CACNA2D1: variants seen among roughly 807,000 people sequenced by gnomAD.
The protein encoded by CACNA2D1 is calcium voltage-gated channel auxiliary subunit alpha2delta 1.
A neutral mutation model predicts 171.5 loss-of-function variants in CACNA2D1; 53 were observed. The observed-to-expected ratio is 0.31, with a 90% CI of 0.25 to 0.39. The LOEUF is 0.39. Among genes scored for constraint, CACNA2D1 ranks in the 10% least tolerant of loss-of-function variants. CACNA2D1 has a pLI of 1.00. For synonymous variants in CACNA2D1, 442 were observed against 443.1 expected, an observed-to-expected ratio of 1.00 and a Z score of 0.03; for missense variants, 903 against 1,299.8, an observed-to-expected ratio of 0.69 and a Z score of 4.69.
At chr7:82,120,113 T>C (rs1789539891) in intron 5 of CACNA2D1, among the ~76,000 whole-genome samples, 1 of 152,128 alleles carries the variant, frequency 6.6e-6, no homozygotes, top group Non-Finnish European at 1.5e-5. Flanking sequence ...GCCCAGGAGT[T>C]TGAGGCTGCA....
intron 3 of CACNA2D1, among the ~76,000 whole-genome samples, chr7:82,230,588 TGAA>T: frequency 6.6e-6 from 1 of 152,320 alleles, no homozygotes; most frequent in East Asian, 1.9e-4. Context: ...CAACTAAAAC[TGAA>T]GAAGGAATTT....
chr7:82,438,001 G>T (rs1323835936), intron 1 of CACNA2D1, among the ~76,000 whole-genome samples: 10 of 152,068 alleles, frequency 6.6e-5, no homozygotes, highest in Non-Finnish European at 8.8e-5. Flanking sequence ...ATTTCAAATG[G>T]TATAGTTTCT....
intron 11 of CACNA2D1, 135 bp downstream of exon 11, chr7:82,037,942 C>T (rs1406278756): frequency 1.7e-5 from 14 of 811,198 alleles, no homozygotes; most frequent in Non-Finnish European, 2.9e-5. Context: ...GTTTCTTCTG[C>T]CTGCACACAT....
chr7:82,373,993 A>AAT (rs2129448556), intron 1 of CACNA2D1, among the ~76,000 whole-genome samples: 1 of 152,336 alleles, frequency 6.6e-6, no homozygotes, highest in South Asian at 2.1e-4. Flanking sequence ...TATTTAACAA[A>AAT]AGTTGTGTCA....
chr7:82,040,125 T>C (rs73705448), intron 10 of CACNA2D1, among the ~76,000 whole-genome samples: 1,575 of 152,274 alleles, frequency 0.01, 25 homozygotes, highest in African/African-American at 0.036. Context: ...CATAGTGGTT[T>C]TGTTATTTGT....
rs3086908 is a variant in CACNA2D1, at chr7:82,109,226, CT to C, written c.526+7817del. On this transcript the variant is annotated intron_variant, in intron 6 of 38. Transcript: ENST00000356860. ...ATGTACTTTCCAGAATTAAAGAACC[CT>C]TTTTTTTGCAAATTATCTGGTTTTA... 7.3e-5 allele frequency among the ~76,000 whole-genome samples: 11 copies of C among 151,426 alleles called. No individual in the cohort carries two copies. The East Asian group carries it at 1.2e-3, about 16-fold the overall frequency.
chr7:82,151,569 A>C (rs528007905), intron 4 of CACNA2D1, among the ~76,000 whole-genome samples: 17 of 152,256 alleles, frequency 1.1e-4, no homozygotes, highest in African/African-American at 3.8e-4. Flanking sequence ...TTTTTAAATA[A>C]GAAATTGAGG....
intron 12 of CACNA2D1, among the ~76,000 whole-genome samples, chr7:82,032,595 T>A (rs973889268): frequency 2.0e-5 from 3 of 151,778 alleles, no homozygotes; most frequent in African/African-American, 7.2e-5. Context: ...TAGGCATGAG[T>A]TGCTTGTGAA....
chr7:82,356,971 G>A (rs1479978406), intron 1 of CACNA2D1, among the ~76,000 whole-genome samples: 2 of 152,024 alleles, frequency 1.3e-5, no homozygotes, highest in Non-Finnish European at 2.9e-5. Context: ...AATGTTTGGT[G>A]TCTACAAATT....
intron 3 of CACNA2D1, among the ~76,000 whole-genome samples, chr7:82,210,183 C>A (rs1006707243): frequency 6.6e-6 from 1 of 151,952 alleles, no homozygotes; most frequent in Non-Finnish European, 1.5e-5. Context: ...ATAATAAGTT[C>A]ATTGTTTTAT....
At chr7:82,412,238 T>C (rs1018555273) in intron 1 of CACNA2D1, among the ~76,000 whole-genome samples, 2 of 152,038 alleles carry the variant, frequency 1.3e-5, no homozygotes, top group African/African-American at 4.8e-5. Flanking sequence ...AGGGCTTCAC[T>C]TACATATTTG....
chr7:82,389,000 C>T (rs1338020720), intron 1 of CACNA2D1, among the ~76,000 whole-genome samples: 1 of 151,754 alleles, frequency 6.6e-6, no homozygotes, highest in African/African-American at 2.4e-5. Context: ...CCTGTAATCC[C>T]AGCTACTCGG....
chr7:82,347,607 G>A lies in CACNA2D1; in HGVS notation c.177+1961C>T, dbSNP rs116966280. On this transcript the variant is annotated intron_variant, in intron 2 of 38. Coordinates refer to ENST00000356860, the MANE Select transcript of CACNA2D1 (RefSeq NM_000722.4). ...TCTGACATCCTTCAGCAAAAGGAAT[G>A]AGGCAATACGGAATCATCTGTCTGT... 2.5e-3 allele frequency among the ~76,000 whole-genome samples: 376 copies of A among 152,224 alleles called. 12 individuals are homozygous for A. The East Asian group carries it at 0.069, about 28-fold the overall frequency.
At chr7:82,175,797 C>G (rs2129159020) in intron 3 of CACNA2D1, among the ~76,000 whole-genome samples, 1 of 152,062 alleles carries the variant, frequency 6.6e-6, no homozygotes, top group South Asian at 2.1e-4. Flanking sequence ...ACTTGGCATT[C>G]TACATATCTA....
intron 3 of CACNA2D1, among the ~76,000 whole-genome samples, chr7:82,192,034 T>TA (rs975329786): frequency 5.3e-5 from 8 of 151,648 alleles, no homozygotes; most frequent in Non-Finnish European, 7.4e-5. Context: ...TTCATGCATC[T>TA]AAAAAAATGT....
intron 10 of CACNA2D1, among the ~76,000 whole-genome samples, chr7:82,053,040 CAA>C (rs781630224): frequency 4.1e-4 from 62 of 151,942 alleles, no homozygotes; most frequent in Non-Finnish European, 8.2e-4. Context: ...ATCACAAGGT[CAA>C]GAGATTGAGA....
chr7:82,046,115 G>C (rs7786839), intron 10 of CACNA2D1, among the ~76,000 whole-genome samples: 1 of 151,956 alleles, frequency 6.6e-6, no homozygotes, highest in Non-Finnish European at 1.5e-5. Flanking sequence ...TTCATTCCAG[G>C]AAAAATTATT....
chr7:82,225,151 T>C (rs1319936993), intron 3 of CACNA2D1, among the ~76,000 whole-genome samples: 1 of 152,124 alleles, frequency 6.6e-6, no homozygotes, highest in Non-Finnish European at 1.5e-5. Context: ...CAATAAGAAT[T>C]ATGAACAGAA....
At chr7:82,213,880 T>C (rs1333304620) in intron 3 of CACNA2D1, among the ~76,000 whole-genome samples, 12 of 152,094 alleles carry the variant, frequency 7.9e-5, no homozygotes, top group Non-Finnish European at 1.6e-4. Flanking sequence ...TATAACAAAA[T>C]ACCACAAACT....
Sources: gnomAD v4.1 joint callset for allele counts (sites outside exome capture counted in the v4.1 genomes callset) on GRCh38, gnomAD v4.1.1 for gene constraint, MANE v1.5 for transcripts, NCBI Gene and HGNC (gene_info 2026-07-23, HGNC 2026-07-21) for gene names.